The following AOPEP variants were observed in gnomAD, a reference collection of about 807,000 sequenced individuals.
AOPEP encodes aminopeptidase O.
Under a neutral mutation model 98.1 loss-of-function variants are expected in AOPEP, and 77 were observed. That is an observed-to-expected ratio of 0.78 (90% CI 0.65 to 0.95). The LOEUF is 0.95. Among genes scored for constraint, AOPEP ranks in the 40% least tolerant of loss-of-function variants. The probability of loss-of-function intolerance (pLI) is 0.00; values close to 1 mark genes in which losing one functional copy is unlikely to be tolerated. For missense variants in AOPEP, 1,024 were observed against 1,024.7 expected, an observed-to-expected ratio of 1.00 and a Z score of 0.01; for synonymous variants, 346 against 365.3, an observed-to-expected ratio of 0.95 and a Z score of 0.60.
At chr9:95,014,096 T>C (rs76295471) in intron 13 of AOPEP, among the ~76,000 whole-genome samples, 6,262 of 152,270 alleles carry the variant, frequency 0.041, 433 homozygotes, top group African/African-American at 0.14. Flanking sequence ...TATCTTGTTA[T>C]CCTTTAAAGT....
chr9:95,101,734 G>A, the AOPEP span: 1 of 1,614,078 alleles, frequency 6.2e-7, no homozygotes, highest in Non-Finnish European at 8.5e-7. Context: ...GCTCTTTAAG[G>A]AGCTCTCGGG....
At chr9:94,875,440 A>G (rs949414248) in intron 5 of AOPEP, among the ~76,000 whole-genome samples, 2 of 151,798 alleles carry the variant, frequency 1.3e-5, no homozygotes, top group African/African-American at 2.4e-5. Context: ...ACATGGTCAG[A>G]TAAGATTTAT....
chr9:95,081,917 T>C (rs1397070500), intron 15 of AOPEP, among the ~76,000 whole-genome samples: 1 of 152,150 alleles, frequency 6.6e-6, no homozygotes, highest in Non-Finnish European at 1.5e-5. Flanking sequence ...CAGATCCAGA[T>C]GGGCCCTTGG....
intron 13 of AOPEP, among the ~76,000 whole-genome samples, chr9:95,028,921 T>C (rs891424478): frequency 9.9e-5 from 15 of 152,254 alleles, no homozygotes; most frequent in African/African-American, 3.6e-4. Context: ...GCGAGAGCCA[T>C]TGGCCCCAGA....
intron 7 of AOPEP, chr9:94,933,212 G>A (rs1350953565): frequency 8.1e-6 from 8 of 985,518 alleles, no homozygotes; most frequent in African/African-American, 1.7e-5. Flanking sequence ...TCTTGCCTGA[G>A]ATGCATGGCA....
rs369212307 is a variant in AOPEP, at chr9:94,958,170, C to G, written c.1872+2155C>G. On this transcript the variant is annotated intron_variant, in intron 9 of 16. Coordinates refer to ENST00000375315, the MANE Select transcript of AOPEP (RefSeq NM_001193329.3). ...TTGTCCTTTTGTATGTGGCTTACTT[C>G]ACTTAGCATAATGTCTTCAGAGGTC... 6.6e-5 allele frequency among the ~76,000 whole-genome samples: 10 copies of G among 152,324 alleles called. 1 individual carries two copies. The highest frequency in any genetic ancestry group is 2.4e-4 in the African/African-American group (10 of 41,572).
chr9:95,132,454 T>A, the AOPEP span, among the ~76,000 whole-genome samples: 1 of 152,196 alleles, frequency 6.6e-6, no homozygotes, highest in Non-Finnish European at 1.5e-5. Context: ...TCTGAAGCTA[T>A]GGATTATGGT....
At chr9:94,868,169 G>T (rs10512236) in intron 5 of AOPEP, among the ~76,000 whole-genome samples, 8,337 of 152,226 alleles carry the variant, frequency 0.055, 343 homozygotes, top group South Asian at 0.1. Flanking sequence ...GCTTTAGCAC[G>T]AATGGTCATA....
chr9:94,788,504 T>C (rs529016106), intron 3 of AOPEP, among the ~76,000 whole-genome samples: 19 of 152,188 alleles, frequency 1.2e-4, no homozygotes, highest in East Asian at 3.9e-4. Context: ...TTTTTTTTTT[T>C]CCCATTTGCT....
chr9:94,949,414 C>A (rs1162961749), intron 7 of AOPEP, among the ~76,000 whole-genome samples: 1 of 152,198 alleles, frequency 6.6e-6, no homozygotes, highest in Non-Finnish European at 1.5e-5. Context: ...TGGGTACCCA[C>A]CACTGGGTCC....
At position 94,953,020 on chromosome 9, in the gene AOPEP, C is replaced by T. The variant is rs2058213483; in HGVS notation, c.1662-2157C>T. On this transcript the variant is annotated intron_variant, in intron 7 of 16. Coordinates refer to ENST00000375315, the MANE Select transcript of AOPEP (RefSeq NM_001193329.3). ...ATTTACATCATTCTTCTGTGTTCCT[C>T]CCCTTCGAGCAGTCTCAATTCAGGG... 2.0e-5 allele frequency among the ~76,000 whole-genome samples: 3 copies of T among 152,212 alleles called. No homozygotes were observed. The South Asian group carries it at 6.2e-4, about 32-fold the overall frequency.
chr9:95,096,687 T>G, the AOPEP span, among the ~76,000 whole-genome samples: 1 of 151,008 alleles, frequency 6.6e-6, no homozygotes, highest in Non-Finnish European at 1.5e-5. Flanking sequence ...TGGGAGGAGG[T>G]CGGCCCATGA....
the AOPEP span, chr9:95,107,263 C>T: frequency 5.0e-6 from 8 of 1,613,712 alleles, no homozygotes; most frequent in Non-Finnish European, 6.8e-6. Context: ...ACGGCCTTCA[C>T]CTGGACCTGG....
chr9:94,768,797 C>T (rs12336437), intron 2 of AOPEP, among the ~76,000 whole-genome samples: 8,519 of 152,214 alleles, frequency 0.056, 361 homozygotes, highest in South Asian at 0.11. Flanking sequence ...GTGAGATGAA[C>T]CCTGGTGAGA....
downstream of AOPEP, among the ~76,000 whole-genome samples, chr9:95,091,472 ACT>A (rs1011682964): frequency 2.0e-5 from 3 of 152,058 alleles, no homozygotes; most frequent in African/African-American, 7.2e-5. Context: ...CTGCAGGCTC[ACT>A]CTGTGCAGGG....
chr9:94,972,149 C>T lies in AOPEP; in HGVS notation c.1916+4348C>T, dbSNP rs1023069074. Among the ~76,000 whole-genome samples, 7 of 152,138 alleles carry T rather than the reference C, an allele frequency of 4.6e-5. No homozygotes were observed. The highest frequency in any genetic ancestry group is 9.7e-5 in the African/African-American group (4 of 41,424). On this transcript the variant is annotated intron_variant, in intron 10 of 16. Transcript: ENST00000375315. The surrounding 1 kb of genome is among the most constrained non-coding windows in gnomAD (Gnocchi z 4.2). ...TGGTGGTGGGTTTGAGAGTAAATAA[C>T]GGCCAAGGCATACTTTAGAGTTGCC...
At chr9:94,976,340 C>G (rs1008975691) in intron 10 of AOPEP, among the ~76,000 whole-genome samples, 1 of 152,136 alleles carries the variant, frequency 6.6e-6, no homozygotes, top group Non-Finnish European at 1.5e-5. Context: ...CTCCATGCCA[C>G]CCCTAGAGAA....
intron 5 of AOPEP, among the ~76,000 whole-genome samples, chr9:94,921,697 C>G (rs2053639126): frequency 6.6e-6 from 1 of 152,118 alleles, no homozygotes; most frequent in African/African-American, 2.4e-5. Context: ...AGGGAAATAG[C>G]CCCAGAGTAT....
chr9:95,080,376 G>C (rs1178714170), intron 14 of AOPEP, among the ~76,000 whole-genome samples: 1 of 152,134 alleles, frequency 6.6e-6, no homozygotes, highest in African/African-American at 2.4e-5. Context: ...AATTAGTGGG[G>C]CATGATGGCA....
Sources: gnomAD v4.1 joint callset for allele counts (sites outside exome capture counted in the v4.1 genomes callset) on GRCh38, gnomAD v4.1.1 for gene constraint, Gnocchi (gnomAD v3.1) non-coding constraint, MANE v1.5 for transcripts, NCBI Gene and HGNC (gene_info 2026-07-23, HGNC 2026-07-21) for gene names.